Variants in SYNE2 observed in about 807,000 individuals in gnomAD.
SYNE2 encodes the protein spectrin repeat containing nuclear envelope protein 2, also known as nesprin-2.
SYNE2 carries 431 observed loss-of-function variants against 856.3 expected under a neutral mutation model. That is an observed-to-expected ratio of 0.50 (90% CI 0.47 to 0.55). The LOEUF is 0.55. Among genes scored for constraint, SYNE2 ranks in the 20% least tolerant of loss-of-function variants. SYNE2 has a pLI of 0.00. For synonymous variants in SYNE2, 2,923 were observed against 2,872.3 expected (o/e 1.02, Z -0.56); for missense variants, 8,129 against 8,023.2 (o/e 1.01, Z -0.50).
rs1456169562 is a variant in SYNE2, at chr14:64,080,510, G to A, written c.11218G>A (p.Glu3740Lys). ...TTCCAAACTAAATGAGCTGGATTCT[G>A]AAGTTCAGGACATTGTTGAACAGGA... Reference protein sequence around the residue: ...WHSKLNELDSEVQDIVEQDPG... With the variant: ...WHSKLNELDSKVQDIVEQDPG... The change falls in exon 56 of 116, where the codon GAA becomes AAA. Residue 3740 changes from glutamate to lysine, a missense_variant. By Grantham distance (56) the Glu-to-Lys change is moderately conservative. Around this residue, in one of 3 missense-constraint regions of SYNE2, gnomAD observed 5,410 missense variants for 5,284.8 expected, o/e 1.02. Coordinates refer to ENST00000555002, the MANE Select transcript of SYNE2 (RefSeq NM_182914.3). 1 of 1,614,178 alleles carries A rather than the reference G, an allele frequency of 6.2e-7. No homozygotes were observed. The highest frequency in any genetic ancestry group is 8.5e-7 in the Non-Finnish European group (1 of 1,180,038).
chr14:64,162,394 T>C, intron 88 of SYNE2, 118 bp downstream of exon 88: 1 of 1,102,508 alleles, frequency 9.1e-7, no homozygotes, highest in Non-Finnish European at 1.3e-6. Context: ...GGACAGGTGC[T>C]GTGAACTTGC....
intron 1 of SYNE2, among the ~76,000 whole-genome samples, chr14:63,879,410 C>G (rs2094806486): frequency 6.6e-6 from 1 of 152,160 alleles, no homozygotes; most frequent in African/African-American, 2.4e-5. Context: ...ATCCAGGAGG[C>G]CATGAATCCT....
In SYNE2 at chr14:64,052,165, A is replaced by T. The variant is rs779774933; in HGVS notation, c.8252A>T (p.Asn2751Ile). Residue 2751 changes from asparagine (N) to isoleucine (I), a missense_variant, in exon 48 of 116, where the codon AAT becomes ATT. Asn to Ile is a moderately radical substitution (Grantham distance 149, BLOSUM62 -3). Around this residue, in one of 3 missense-constraint regions of SYNE2, gnomAD observed 5,410 missense variants for 5,284.8 expected, o/e 1.02. Coordinates refer to ENST00000555002, the MANE Select transcript of SYNE2 (RefSeq NM_182914.3). ...LWAKNLLGEL[N>I]PSIPLLPDDI... Reference sequence around the variant, plus strand: ...GCCAAGAATTTGTTGGGTGAACTTAATCCCTCCATTCCCCTTCTCCCAGAT... The same window carrying T: ...GCCAAGAATTTGTTGGGTGAACTTATTCCCTCCATTCCCCTTCTCCCAGAT... 1.2e-6 allele frequency: 2 copies of T among 1,614,170 alleles called. No homozygotes were observed. The highest frequency in any genetic ancestry group is 2.2e-5 in the South Asian group (2 of 91,084).
intron 57 of SYNE2, chr14:64,085,119 C>A (rs1259158106): frequency 1.5e-6 from 1 of 662,294 alleles, no homozygotes; most frequent in Non-Finnish European, 2.7e-6. Context: ...GTCACCCAGG[C>A]TGGAGTGCAG....
At chr14:63,881,158 T>C (rs906839806) in intron 1 of SYNE2, among the ~76,000 whole-genome samples, 1 of 151,924 alleles carries the variant, frequency 6.6e-6, no homozygotes, top group Non-Finnish European at 1.5e-5. Context: ...ATTTTTTTTT[T>C]TGTAGAGACA....
At chr14:64,173,316 G>A (rs2098419557) in intron 94 of SYNE2, among the ~76,000 whole-genome samples, 1 of 152,234 alleles carries the variant, frequency 6.6e-6, no homozygotes, top group African/African-American at 2.4e-5. Flanking sequence ...GGAAGACTAA[G>A]GGAGGAGCAG....
chr14:64,101,084 T>C (rs2097725114), intron 63 of SYNE2, among the ~76,000 whole-genome samples: 1 of 152,180 alleles, frequency 6.6e-6, no homozygotes, highest in Non-Finnish European at 1.5e-5. Flanking sequence ...TTCCGTATCT[T>C]GGTTGTTGTG....
chr14:64,108,944 T>C (rs570398717), intron 65 of SYNE2, among the ~76,000 whole-genome samples: 47 of 152,002 alleles, frequency 3.1e-4, no homozygotes, highest in Admixed American at 5.9e-4. Context: ...GCCACAATCA[T>C]GGCTCACTGG....
intron 18 of SYNE2, among the ~76,000 whole-genome samples, chr14:63,986,021 A>G (rs545695976): frequency 1.1e-4 from 17 of 152,332 alleles, no homozygotes; most frequent in Admixed American, 1.3e-4. Flanking sequence ...GAAAAAAGTT[A>G]TTATTGTCAA....
At chr14:64,209,714 C>T in intron 102 of SYNE2, 136 bp downstream of exon 102, 2 of 1,331,116 alleles carry the variant, frequency 1.5e-6, no homozygotes, top group East Asian at 2.5e-5. Context: ...CAGCCTGCCC[C>T]CAGCTGCTGA....
chr14:64,000,467 C>A, intron 27 of SYNE2, 95 bp from the exon 28 acceptor site: 3 of 1,143,920 alleles, frequency 2.6e-6, no homozygotes, highest in Non-Finnish European at 3.9e-6. Flanking sequence ...ATTGTGTTTG[C>A]TTCCACAGTT....
At chr14:64,008,443 C>T (rs905105745) in intron 31 of SYNE2, among the ~76,000 whole-genome samples, 3 of 152,204 alleles carry the variant, frequency 2.0e-5, no homozygotes, top group Admixed American at 6.5e-5. Flanking sequence ...ATAACGGCTG[C>T]GTTTCCTGCA....
At position 64,050,016 on chromosome 14, in the gene SYNE2, T is replaced by A; in HGVS notation, c.7643+140T>A. 1.7e-5 allele frequency: 19 copies of A among 1,092,024 alleles called. No homozygotes were observed. In the South Asian group the frequency reaches 3.0e-4, roughly 17 times the overall value. 67.6% of individuals were successfully genotyped at this position (1,092,024 alleles called of 1,614,324 possible). On this transcript the variant is annotated intron_variant, in intron 47 of 115. Coordinates refer to ENST00000555002, the MANE Select transcript of SYNE2 (RefSeq NM_182914.3). ...AACCACAGGATGGAATGTTATTTCATATGGATGCTGTCTTTGTTTGGGCTG... is the reference window on the plus strand; with the variant it reads ...AACCACAGGATGGAATGTTATTTCAAATGGATGCTGTCTTTGTTTGGGCTG...
Position 64,064,663 on chromosome 14 carries a change from C to A in SYNE2, c.10213-769C>A, listed in dbSNP as rs183844684. Among the ~76,000 whole-genome samples, 5 of 150,840 alleles carry A rather than the reference C, an allele frequency of 3.3e-5. No individual in the cohort carries two copies. In the Admixed American group the frequency reaches 3.3e-4, roughly 10 times the overall value. Reference sequence around the variant, plus strand: ...TGAGCTCCTGGCCTCAAGGGATCCTCCCATCCCAGCCCGCTGAGTAGCTGG... The same window carrying A: ...TGAGCTCCTGGCCTCAAGGGATCCTACCATCCCAGCCCGCTGAGTAGCTGG... On this transcript the variant is annotated intron_variant, in intron 50 of 115. Coordinates refer to ENST00000555002, the MANE Select transcript of SYNE2 (RefSeq NM_182914.3).
At chr14:63,870,886 T>C (rs1424591126) in intron 1 of SYNE2, among the ~76,000 whole-genome samples, 3 of 152,328 alleles carry the variant, frequency 2.0e-5, no homozygotes, top group Admixed American at 2.0e-4. Flanking sequence ...GGAGGTCCTT[T>C]TGGTTCTGCT....
intron 104 of SYNE2, 124 bp from the exon 105 acceptor site, chr14:64,212,687 A>T: frequency 1.2e-6 from 1 of 867,618 alleles, no homozygotes; most frequent in South Asian, 1.4e-5. Flanking sequence ...AAGCTAGAGT[A>T]GTAGGTGAAG....
At chr14:63,995,752 TCTATCTATCTATCTAG>T (rs1473545854) in intron 23 of SYNE2, among the ~76,000 whole-genome samples, 9 of 149,088 alleles carry the variant, frequency 6.0e-5, no homozygotes, top group African/African-American at 2.2e-4. Context: ...TATCTATCTA[TCTATCTATCTATCTAG>T]ATATATATAA....
intron 33 of SYNE2, among the ~76,000 whole-genome samples, chr14:64,017,341 A>G (rs960848265): frequency 2.6e-5 from 4 of 151,426 alleles, no homozygotes; most frequent in African/African-American, 7.2e-5. Flanking sequence ...AAAAAAAAAA[A>G]AAAAAAAAAA....
At chr14:64,109,545 T>C (rs1422085450) in intron 65 of SYNE2, among the ~76,000 whole-genome samples, 2 of 152,210 alleles carry the variant, frequency 1.3e-5, no homozygotes, top group Non-Finnish European at 2.9e-5. Context: ...CTTTGAACTA[T>C]TAGGCTCCAG....
Sources: gnomAD v4.1 joint callset for allele counts (sites outside exome capture counted in the v4.1 genomes callset) on GRCh38, gnomAD v4.1.1 for gene constraint, gnomAD v4.1.1 regional missense constraint, MANE v1.5 for transcripts, NCBI Gene and HGNC (gene_info 2026-07-23, HGNC 2026-07-21) for gene names.